The following LHX8 variants were observed in gnomAD, a reference collection of about 807,000 sequenced individuals.
The protein encoded by LHX8 is LIM homeobox 8.
In LHX8, 12 loss-of-function variants were observed where a neutral mutation model predicts 40.3. The observed-to-expected ratio is 0.30, with a 90% confidence interval of 0.19 to 0.48. LHX8 has a LOEUF of 0.48. Among genes scored for constraint, LHX8 ranks in the 20% least tolerant of loss-of-function variants. The probability of loss-of-function intolerance (pLI) is 0.99; values close to 1 mark genes in which losing one functional copy is unlikely to be tolerated. For synonymous variants in LHX8, 179 were observed against 162.0 expected (o/e 1.10, Z -0.80); for missense variants, 344 against 433.7 (o/e 0.79, Z 1.84).
In LHX8 at chr1:75,160,982, T is replaced by C. The variant is rs1648903477; in HGVS notation, c.*87T>C. Reference sequence around the variant, plus strand: ...ACCATTGAAAAGATATTACTGTTAATTTTTTATTTAACACCTAAAGCATTT... The same window carrying C: ...ACCATTGAAAAGATATTACTGTTAACTTTTTATTTAACACCTAAAGCATTT... On this transcript the variant is annotated 3_prime_UTR_variant, in exon 9 of 9. Coordinates refer to ENST00000356261, the MANE Select transcript of LHX8 (RefSeq NM_001256114.2). 4.8e-6 allele frequency: 5 copies of C among 1,032,356 alleles called. No homozygotes were observed. The highest frequency in any genetic ancestry group is 7.6e-6 in the Non-Finnish European group (5 of 661,630). 63.9% of individuals were successfully genotyped at this position (1,032,356 alleles called of 1,614,324 possible). A position where few individuals can be genotyped will look rare whatever the true frequency, so the allele number is the denominator to read the frequency against.
chr1:75,136,698 G>A lies in LHX8; in HGVS notation c.75+9G>A, dbSNP rs746324852. 5.7e-4 allele frequency: 886 copies of A among 1,542,250 alleles called. 1 individual carries two copies. Among genetic ancestry groups the A allele is most frequent in the Non-Finnish European group, 7.3e-4 (839 of 1,145,832 alleles). ...CCGGGGAAGAGGGACTGGTGAGTGC[G>A]GAGGGGCTCGCGTGCTGGCAAGACT... On this transcript the variant is annotated intron_variant, in intron 2 of 8. Transcript: ENST00000356261.
chr1:75,130,760 G>C (rs367721182), upstream of LHX8: 1 of 1,611,052 alleles, frequency 6.2e-7, no homozygotes, highest in Non-Finnish European at 8.5e-7. Context: ...ACCTCTAGAA[G>C]CAATCTCCTA....
chr1:75,169,433 A>C, the LHX8 span, among the ~76,000 whole-genome samples: 1 of 152,170 alleles, frequency 6.6e-6, no homozygotes. Context: ...AGTATTTGGC[A>C]TATTGTCAAC....
At chr1:75,178,304 G>T in the LHX8 span, among the ~76,000 whole-genome samples, 1 of 152,024 alleles carries the variant, frequency 6.6e-6, no homozygotes, top group Admixed American at 6.6e-5. Context: ...ATCTGGTCCT[G>T]GACTTTTTTT....
chr1:75,137,329 T>A, intron 3 of LHX8, 68 bp downstream of exon 3: 1 of 1,475,634 alleles, frequency 6.8e-7, no homozygotes, highest in Non-Finnish European at 9.4e-7. Flanking sequence ...GGGAAAAGAG[T>A]AATGTTCCTC....
the LHX8 span, among the ~76,000 whole-genome samples, chr1:75,177,105 T>G: frequency 6.6e-6 from 1 of 152,144 alleles, no homozygotes; most frequent in Non-Finnish European, 1.5e-5. Flanking sequence ...AGTCAGGTAG[T>G]GTGATGCCTC....
chr1:75,130,588 C>T, upstream of LHX8: 1 of 889,226 alleles, frequency 1.1e-6, no homozygotes, highest in South Asian at 1.3e-5. Context: ...TGGCGACCTC[C>T]ACTGGCGTGA....
the LHX8 span, among the ~76,000 whole-genome samples, chr1:75,199,087 G>A: frequency 4.1e-4 from 63 of 152,322 alleles, no homozygotes; most frequent in Admixed American, 1.4e-3. Context: ...CTTCAACGCT[G>A]TTTATCAGAG....
chr1:75,199,178 C>T, the LHX8 span, among the ~76,000 whole-genome samples: 1,573 of 152,198 alleles, frequency 0.01, 24 homozygotes, highest in African/African-American at 0.036. Context: ...TTATGAATTG[C>T]GTTCAGAAGG....
the LHX8 span, among the ~76,000 whole-genome samples, chr1:75,167,802 C>T: frequency 1.3e-5 from 2 of 152,188 alleles, no homozygotes; most frequent in East Asian, 3.9e-4. Context: ...CAGCCTTTCC[C>T]CAGCAACTCC....
In LHX8 at chr1:75,152,103, A is replaced by C. The variant is rs971302466; in HGVS notation, c.780+3421A>C. Among the ~76,000 whole-genome samples the C allele has an allele frequency of 1.1e-4, 17 of 152,202 alleles. 1 individual carries two copies. The highest frequency in any genetic ancestry group is 2.5e-4 in the Non-Finnish European group (17 of 68,040). On this transcript the variant is annotated intron_variant, in intron 7 of 8. Coordinates refer to ENST00000356261, the MANE Select transcript of LHX8 (RefSeq NM_001256114.2). ...AGAGTATTTTATAAGAATTACTGTG[A>C]TCTCAAATAGTAATCATACTTTCCC...
At chr1:75,196,304 T>A in the LHX8 span, among the ~76,000 whole-genome samples, 2 of 152,094 alleles carry the variant, frequency 1.3e-5, no homozygotes, top group African/African-American at 2.4e-5. Flanking sequence ...GTGAGAAAAG[T>A]TCATGGAGCT....
chr1:75,139,914 T>C (rs758717850), intron 3 of LHX8, among the ~76,000 whole-genome samples: 1 of 152,312 alleles, frequency 6.6e-6, no homozygotes, highest in African/African-American at 2.4e-5. Flanking sequence ...TATCTCACAG[T>C]CATTTACTTT....
the LHX8 span, among the ~76,000 whole-genome samples, chr1:75,176,834 T>G: frequency 6.6e-6 from 1 of 152,232 alleles, no homozygotes; most frequent in Admixed American, 6.5e-5. Context: ...TTAATCCATC[T>G]TGAATTAATT....
chr1:75,198,660 C>A, the LHX8 span, among the ~76,000 whole-genome samples: 55 of 152,294 alleles, frequency 3.6e-4, no homozygotes, highest in Admixed American at 1.8e-3. Context: ...TTTCCTTATG[C>A]CCTAGCATGG....
chr1:75,143,238 A>G lies in LHX8; in HGVS notation c.480A>G (p.Gln160=), dbSNP rs750724069. Residue 160 remains glutamine (Q), a synonymous_variant, in exon 5 of 9, where the codon CAA becomes CAG. Transcript: ENST00000356261. ...TTGCCTGCTTTTCCTGCAAAAGGCA[A>G]CTTTCCACAGGAGAGGAGTTTGCTT... The part of the protein sequence containing the change: ...ACFACFSCKR[Q]LSTGEEFALV... The G allele has an allele frequency of 1.8e-5, 29 of 1,613,746 alleles. No homozygotes were observed. The highest frequency in any genetic ancestry group is 1.1e-4 in the South Asian group (10 of 91,082).
intron 1 of LHX8, 57 bp downstream of exon 1, chr1:75,135,011 G>A: frequency 1.2e-6 from 1 of 858,096 alleles, no homozygotes; most frequent in Non-Finnish European, 1.4e-6. Context: ...GGGAGAGTGG[G>A]TCGGGAGGAC....
chr1:75,161,420 C>A lies in LHX8; in HGVS notation c.*525C>A, dbSNP rs1253602871. The A allele has an allele frequency of 6.3e-6, 1 of 159,574 alleles. No individual in the cohort carries two copies. The highest frequency in any genetic ancestry group is 1.4e-5 in the Non-Finnish European group (1 of 72,784). The allele number at this position is 159,574 out of a possible 1,614,324, so 9.9% of individuals were successfully genotyped here. ...AAAGCTTCTGTTGTAGCATGCCATG[C>A]AAACACATTATTGTGTTTGTGGTTG... On this transcript the variant is annotated 3_prime_UTR_variant, in exon 9 of 9. Coordinates refer to ENST00000356261, the MANE Select transcript of LHX8 (RefSeq NM_001256114.2).
chr1:75,192,761 C>T, the LHX8 span, among the ~76,000 whole-genome samples: 16 of 151,700 alleles, frequency 1.1e-4, no homozygotes, highest in South Asian at 1.3e-3. Flanking sequence ...GGTGTGATCT[C>T]GGCTCACTGC....
Sources: allele counts gnomAD v4.1 joint callset (sites outside exome capture counted in the v4.1 genomes callset), GRCh38; gene constraint gnomAD v4.1.1; transcripts MANE v1.5; gene names NCBI Gene and HGNC (gene_info 2026-07-23, HGNC 2026-07-21).